NCKAP5: variants seen among roughly 807,000 people sequenced by gnomAD.
NCKAP5 encodes the protein NCK associated protein 5.
In NCKAP5, 92 loss-of-function variants were observed where a neutral mutation model predicts 167.0. The ratio of observed to expected loss-of-function variants is 0.55; its 90% confidence interval spans 0.47 to 0.66. NCKAP5 has a LOEUF of 0.66. Among genes scored for constraint, NCKAP5 ranks in the 30% least tolerant of loss-of-function variants. The probability of loss-of-function intolerance (pLI) is 0.00; values close to 1 mark genes in which losing one functional copy is unlikely to be tolerated. For synonymous variants in NCKAP5, 891 were observed against 877.4 expected (o/e 1.02, Z -0.27); for missense variants, 2,378 against 2,315.0 (o/e 1.03, Z -0.56).
At chr2:133,165,355 C>T (rs1417040610) in intron 5 of NCKAP5, among the ~76,000 whole-genome samples, 1 of 152,182 alleles carries the variant, frequency 6.6e-6, no homozygotes, top group Non-Finnish European at 1.5e-5. Flanking sequence ...TTTTCTCCTC[C>T]TGGGTACCTT....
rs58346788 is a variant in NCKAP5 at position 132,895,147 on chromosome 2, C to T, written c.580-16231G>A. Among the ~76,000 whole-genome samples, 1,879 of 151,906 alleles carry T rather than the reference C, an allele frequency of 0.012. 65 individuals carry two copies. In the East Asian group the frequency reaches 0.15, roughly 12 times the overall value. On this transcript the variant is annotated intron_variant, in intron 8 of 19. Transcript: ENST00000409261. ...GAGATGGAGACCTTCCTGGCTAACA[C>T]GGTGAAACCCCGTCTCTACTAAAAA...
At chr2:133,332,389 A>C (rs932105978) in intron 3 of NCKAP5, among the ~76,000 whole-genome samples, 1 of 152,140 alleles carries the variant, frequency 6.6e-6, no homozygotes, top group Non-Finnish European at 1.5e-5. Flanking sequence ...CCTCATTTTT[A>C]GAATCAAAAA....
At chr2:133,554,509 C>A (rs1687599874) in intron 2 of NCKAP5, 1 of 152,158 alleles carries the variant, frequency 6.6e-6, no homozygotes, top group South Asian at 2.1e-4. Flanking sequence ...AGTTGAAGTA[C>A]AAAGGAGTTA....
intron 2 of NCKAP5, among the ~76,000 whole-genome samples, chr2:133,548,055 C>G (rs1686906072): frequency 6.9e-6 from 1 of 145,332 alleles, no homozygotes; most frequent in Non-Finnish European, 1.5e-5. Context: ...AGGTGAAAAC[C>G]AAGGCTTGAG....
At chr2:132,682,324 T>A (rs1391789504) in intron 19 of NCKAP5, among the ~76,000 whole-genome samples, 2 of 152,142 alleles carry the variant, frequency 1.3e-5, no homozygotes, top group Non-Finnish European at 2.9e-5. Context: ...TCTACCACAA[T>A]GTGACAGTGA....
intron 19 of NCKAP5, among the ~76,000 whole-genome samples, chr2:132,714,481 G>C (rs11686423): frequency 6.6e-6 from 1 of 151,884 alleles, no homozygotes; most frequent in Non-Finnish European, 1.5e-5. Flanking sequence ...TGGTTGATGC[G>C]ACTAATGCTC....
At chr2:133,151,228 T>C (rs2083374841) in intron 5 of NCKAP5, among the ~76,000 whole-genome samples, 1 of 152,090 alleles carries the variant, frequency 6.6e-6, no homozygotes, top group Non-Finnish European at 1.5e-5. Context: ...TGACCTTGAG[T>C]GTTGTGATGA....
At chr2:133,299,000 A>G (rs558726757) in intron 4 of NCKAP5, among the ~76,000 whole-genome samples, 288 of 152,166 alleles carry the variant, frequency 1.9e-3, no homozygotes, top group Non-Finnish European at 2.7e-3. Context: ...CACGTTGTGC[A>G]CATGTACCCT....
intron 2 of NCKAP5, among the ~76,000 whole-genome samples, chr2:133,547,582 G>A (rs1368885379): frequency 6.6e-6 from 1 of 151,620 alleles, no homozygotes; most frequent in African/African-American, 2.4e-5. Flanking sequence ...TGACCCCCGA[G>A]CAGCCTAACT....
intron 6 of NCKAP5, among the ~76,000 whole-genome samples, chr2:133,011,006 A>G (rs147136131): frequency 1.4e-4 from 21 of 152,356 alleles, no homozygotes; most frequent in African/African-American, 5.1e-4. Context: ...AGTATAAAAT[A>G]AAAAATAAGG....
Position 133,218,355 on chromosome 2 carries a change from C to A in NCKAP5, c.144-4576G>T, listed in dbSNP as rs115910771. Among the ~76,000 whole-genome samples the A allele has an allele frequency of 5.9e-3, 892 of 152,188 alleles. 12 individuals carry two copies. The highest frequency in any genetic ancestry group is 0.019 in the African/African-American group (806 of 41,520). The stretch of plus-strand genomic sequence containing the variant: ...TTAACGTCTGGCTTAATAGAAGACA[C>A]GTGTATTTTCACATCCGCTTCAGCA... On this transcript the variant is annotated intron_variant, in intron 4 of 19. Coordinates refer to ENST00000409261, the MANE Select transcript of NCKAP5 (RefSeq NM_207363.3).
chr2:133,205,320 C>T (rs62177498), intron 5 of NCKAP5, among the ~76,000 whole-genome samples: 1,581 of 69,182 alleles, frequency 0.023, 20 homozygotes, highest in African/African-American at 0.06. Flanking sequence ...GATAGATAGA[C>T]AGACAGATAG....
chr2:133,502,819 C>T (rs766082375), intron 3 of NCKAP5, among the ~76,000 whole-genome samples: 4 of 152,186 alleles, frequency 2.6e-5, no homozygotes, highest in Non-Finnish European at 4.4e-5. Flanking sequence ...GTTCAATGAA[C>T]GTGTGATGAA....
intron 19 of NCKAP5, among the ~76,000 whole-genome samples, chr2:132,687,523 A>T (rs1248161458): frequency 6.6e-6 from 1 of 152,140 alleles, no homozygotes. Flanking sequence ...CTCTAAAGTG[A>T]CTGGAGAAAT....
chr2:133,483,622 A>G (rs1680648200), intron 3 of NCKAP5, among the ~76,000 whole-genome samples: 1 of 133,438 alleles, frequency 7.5e-6, no homozygotes. Flanking sequence ...ACTCTGCAAA[A>G]AAAAAGGGGG....
At chr2:132,790,252 G>A (rs1480072792) in intron 12 of NCKAP5, 47 bp from the exon 13 acceptor site, 2 of 1,525,830 alleles carry the variant, frequency 1.3e-6, no homozygotes, top group African/African-American at 1.4e-5. Context: ...TCAGAGGAGA[G>A]TAAATATCAA....
the NCKAP5 span, among the ~76,000 whole-genome samples, chr2:133,637,476 CAAAAA>C: frequency 2.0e-3 from 63 of 31,648 alleles, no homozygotes; most frequent in East Asian, 6.3e-3. Flanking sequence ...TGGTATTTTC[CAAAAA>C]AAAAAAAAAA....
At chr2:133,064,692 G>A (rs1367549619) in intron 6 of NCKAP5, among the ~76,000 whole-genome samples, 3 of 152,250 alleles carry the variant, frequency 2.0e-5, no homozygotes, top group East Asian at 1.9e-4. Context: ...GTGGGGATAC[G>A]CTTGGCATAA....
At chr2:133,547,192 C>A (rs921133736) in intron 2 of NCKAP5, among the ~76,000 whole-genome samples, 1 of 152,298 alleles carries the variant, frequency 6.6e-6, no homozygotes, top group South Asian at 2.1e-4. Context: ...CGGCGCGCCA[C>A]GAGATTATAT....
Sources: gnomAD v4.1 joint callset for allele counts (sites outside exome capture counted in the v4.1 genomes callset) on GRCh38, gnomAD v4.1.1 for gene constraint, MANE v1.5 for transcripts, NCBI Gene and HGNC (gene_info 2026-07-23, HGNC 2026-07-21) for gene names.